SAMSN1: variants seen among roughly 807,000 people sequenced by gnomAD.
SAMSN1 encodes SAM domain-containing protein SAMSN-1.
SAMSN1 carries 31 observed loss-of-function variants against 42.0 expected under a neutral mutation model. The observed-to-expected ratio is 0.74, with a 90% confidence interval of 0.55 to 1.00. The LOEUF (loss-of-function observed/expected upper bound fraction) is 1.00, where lower values mean the gene tolerates loss of function less well. SAMSN1 is among the 50% of genes least tolerant of loss of function. The pLI, the probability that SAMSN1 is intolerant of heterozygous loss-of-function variation, is 0.00. For synonymous variants in SAMSN1, 178 were observed against 151.9 expected (o/e 1.17, Z -1.26); for missense variants, 464 against 439.4 (o/e 1.06, Z -0.50).
At chr21:14,506,923 A>G (rs1230750850) in intron 5 of SAMSN1, among the ~76,000 whole-genome samples, 16 of 152,236 alleles carry the variant, frequency 1.1e-4, no homozygotes, top group Admixed American at 1.0e-3. Flanking sequence ...CACCACATAA[A>G]CAGAATTAAA....
chr21:14,533,431 TTAG>T (rs1391312399), intron 1 of SAMSN1, among the ~76,000 whole-genome samples: 18 of 151,508 alleles, frequency 1.2e-4, no homozygotes, highest in African/African-American at 4.4e-4. Flanking sequence ...ATAAAGAAAC[TTAG>T]TTATTTAATT....
intron 6 of SAMSN1, among the ~76,000 whole-genome samples, chr21:14,499,883 G>A (rs1987073222): frequency 6.6e-6 from 1 of 152,156 alleles, no homozygotes; most frequent in South Asian, 2.1e-4. Context: ...GTGCTGCTGA[G>A]TTAATTTTAG....
At position 14,658,708 on chromosome 21, in the gene SAMSN1, T is replaced by A. The variant is rs1434224932; in HGVS notation, c.24+40A>T. 4.2e-6 allele frequency: 3 copies of A among 714,144 alleles called. No individual in the cohort carries two copies. In the African/African-American group the frequency reaches 5.3e-5, roughly 13 times the overall value. 44.2% of individuals were successfully genotyped at this position (714,144 alleles called of 1,614,324 possible). A position where few individuals can be genotyped will look rare whatever the true frequency, so the allele number is the denominator to read the frequency against. ...TTTCATTCCTTTTGACACAGTAAAA[T>A]TAAAATGAGAACATAAATGCTGCAA... is the stretch of plus-strand genomic sequence containing the variant. On this transcript the variant is annotated intron_variant, in intron 1 of 15. Coordinates refer to the SAMSN1 transcript ENST00000647101.
intron 1 of SAMSN1, among the ~76,000 whole-genome samples, chr21:14,656,695 A>G (rs1462871566): frequency 6.6e-6 from 1 of 151,854 alleles, no homozygotes; most frequent in Non-Finnish European, 1.5e-5. Flanking sequence ...TGGATTATTT[A>G]TAGTATCCTT....
In SAMSN1 at chr21:14,634,468, G is replaced by GA. The variant is rs1311761526; in HGVS notation, c.156+8533dup. ...ACAAGGAACTTAAACAAATTTCCAAGAAAAAAAAATAAACAGCCCCATCAA... is the reference window on the plus strand; with the variant it reads ...ACAAGGAACTTAAACAAATTTCCAAGAAAAAAAAAATAAACAGCCCCATCAA... On this transcript the variant is annotated intron_variant, in intron 2 of 15. Coordinates refer to the SAMSN1 transcript ENST00000647101. Among the ~76,000 whole-genome samples the GA allele has an allele frequency of 5.3e-5, 8 of 150,064 alleles. No individual in the cohort carries two copies. In the East Asian group the frequency reaches 7.8e-4, roughly 15 times the overall value.
At chr21:14,594,106 C>A in intron 6 of SAMSN1, 3 of 668,516 alleles carry the variant, frequency 4.5e-6, no homozygotes, top group Non-Finnish European at 5.5e-6. Context: ...GAAATAGAGA[C>A]AACTAATGTT....
chr21:14,561,464 T>C (rs1010451087), intron 2 of SAMSN1, among the ~76,000 whole-genome samples: 2 of 152,144 alleles, frequency 1.3e-5, no homozygotes, highest in Admixed American at 1.3e-4. Context: ...GTTGGGCAAA[T>C]ACAATATGGT....
chr21:14,496,032 A>C (rs1234486591), intron 7 of SAMSN1: 1 of 152,210 alleles, frequency 6.6e-6, no homozygotes, highest in East Asian at 1.9e-4. Context: ...AGCCTTTGGC[A>C]CTGAAACCAT....
At chr21:14,645,582 C>T (rs1365152924) in intron 1 of SAMSN1, among the ~76,000 whole-genome samples, 1 of 152,202 alleles carries the variant, frequency 6.6e-6, no homozygotes, top group East Asian at 1.9e-4. Flanking sequence ...AGAATAAATA[C>T]TTAACTCCTT....
At chr21:14,634,052 TTTA>T (rs1248792146) in intron 2 of SAMSN1, among the ~76,000 whole-genome samples, 8 of 152,036 alleles carry the variant, frequency 5.3e-5, no homozygotes, top group Admixed American at 5.2e-4. Flanking sequence ...AATATTTAAT[TTTA>T]TTATTATCAT....
At chr21:14,618,923 T>G (rs1003750116) in intron 2 of SAMSN1, among the ~76,000 whole-genome samples, 3 of 152,210 alleles carry the variant, frequency 2.0e-5, no homozygotes, top group Non-Finnish European at 4.4e-5. Context: ...TGGCTTAATT[T>G]TATTTTTCTC....
chr21:14,539,127 T>C (rs1233794701), intron 1 of SAMSN1, among the ~76,000 whole-genome samples: 16 of 152,286 alleles, frequency 1.1e-4, no homozygotes, highest in Admixed American at 3.3e-4. Flanking sequence ...TTTCATAACA[T>C]TGGGTATATT....
intron 2 of SAMSN1, among the ~76,000 whole-genome samples, chr21:14,571,424 C>T (rs141047932): frequency 9.6e-4 from 146 of 152,274 alleles, no homozygotes; most frequent in African/African-American, 3.3e-3. Context: ...TTATTCATCA[C>T]TATGGTTGTA....
At chr21:14,506,826 A>G (rs1987433124) in intron 5 of SAMSN1, among the ~76,000 whole-genome samples, 1 of 152,232 alleles carries the variant, frequency 6.6e-6, no homozygotes, top group Non-Finnish European at 1.5e-5. Flanking sequence ...TCAACAACAT[A>G]TCAAAAAGAT....
At chr21:14,564,656 A>C (rs1981052335) in intron 2 of SAMSN1, among the ~76,000 whole-genome samples, 1 of 152,216 alleles carries the variant, frequency 6.6e-6, no homozygotes, top group Admixed American at 6.5e-5. Context: ...TTGGCTGTAC[A>C]TCTAAAGCTT....
intron 2 of SAMSN1, among the ~76,000 whole-genome samples, chr21:14,574,977 T>C (rs1193198580): frequency 6.6e-6 from 1 of 152,170 alleles, no homozygotes; most frequent in Non-Finnish European, 1.5e-5. Flanking sequence ...TATTATTGAA[T>C]TTTTACACCA....
rs992128503 is a variant in SAMSN1, at chr21:14,510,431, C to T, written c.440G>A (p.Ser147Asn). 1 of 1,614,062 alleles carries T rather than the reference C, an allele frequency of 6.2e-7. No individual in the cohort carries two copies. ...SGITSCSDGT[S>N]NRDSFRLDDD... ...ATCCAGTCGAAAGCTGTCCCGGTTA[C>T]TTGTACCATCTGAACAGCTTGTTAT... Residue 147 changes from serine (S) to asparagine (N), a missense_variant, in exon 5 of 8, where the codon AGT becomes AAT. Coordinates refer to ENST00000400566, the MANE Select transcript of SAMSN1 (RefSeq NM_022136.5).
intron 1 of SAMSN1, among the ~76,000 whole-genome samples, chr21:14,522,225 A>T (rs1352123098): frequency 6.6e-6 from 1 of 152,238 alleles, no homozygotes; most frequent in Non-Finnish European, 1.5e-5. Context: ...GCAATTATAA[A>T]TAATTTCTGA....
Position 14,486,076 on chromosome 21 carries a change from A to G in SAMSN1, c.958T>C (p.Leu320=), listed in dbSNP as rs1326256506. The change falls in exon 8 of 8, where the codon TTG becomes CTG. Residue 320 remains leucine (L), a synonymous_variant. Coordinates refer to ENST00000400566, the MANE Select transcript of SAMSN1 (RefSeq NM_022136.5). ...EQENEPEPLS[L]SSDISLNKSQ... The stretch of plus-strand genomic sequence containing the variant: ...TTATTTAAGGAGATGTCTGAGCTCA[A>G]GGATAGGGGCTCAGGTTCATTTTCT... 2 of 1,613,648 alleles carry G rather than the reference A, an allele frequency of 1.2e-6. No individual in the cohort carries two copies. Among genetic ancestry groups the G allele is most frequent in the Non-Finnish European group, 8.5e-7 (1 of 1,179,696 alleles).
Sources: allele counts gnomAD v4.1 joint callset (sites outside exome capture counted in the v4.1 genomes callset), GRCh38; gene constraint gnomAD v4.1.1; transcripts MANE v1.5; gene names NCBI Gene and HGNC (gene_info 2026-07-23, HGNC 2026-07-21).